The following RASGEF1A variants were observed in gnomAD, a reference collection of about 807,000 sequenced individuals.
RASGEF1A encodes RasGEF domain family member 1A.
RASGEF1A carries 18 observed loss-of-function variants against 56.4 expected under a neutral mutation model. The ratio of observed to expected loss-of-function variants is 0.32; its 90% CI spans 0.22 to 0.47. The LOEUF (loss-of-function observed/expected upper bound fraction) is 0.47. Ranked by LOEUF, RASGEF1A falls within the 20% of genes least tolerant of loss-of-function variation. The pLI is 1.00. For missense variants in RASGEF1A, 422 were observed against 627.1 expected, an observed-to-expected ratio of 0.67 and a Z score of 3.49; for synonymous variants, 245 against 242.6, an observed-to-expected ratio of 1.01 and a Z score of -0.09.
At position 43,249,363 on chromosome 10, in the gene RASGEF1A, G is replaced by A. The variant is rs568216003; in HGVS notation, c.-7+17482C>T. On this transcript the variant is annotated intron_variant, in intron 1 of 12. Coordinates refer to ENST00000395810, the MANE Select transcript of RASGEF1A (RefSeq NM_145313.4). ...AGTGGCCATCCACTCTCCAATGCAG[G>A]GTTGCAGGGCCCCCACTCCACCCCA... is the stretch of plus-strand genomic sequence containing the variant. Among the ~76,000 whole-genome samples, 8 of 152,304 alleles carry A rather than the reference G, an allele frequency of 5.3e-5. No homozygotes were observed. In the South Asian group the frequency reaches 1.7e-3, roughly 32 times the overall value.
At chr10:43,262,389 AC>A (rs1044896694) in intron 1 of RASGEF1A, among the ~76,000 whole-genome samples, 1 of 151,442 alleles carries the variant, frequency 6.6e-6, no homozygotes, top group Non-Finnish European at 1.5e-5. Flanking sequence ...TCCCAGCCCC[AC>A]CCCCCAGGAT....
At chr10:43,232,959 G>A (rs757429275) in intron 1 of RASGEF1A, among the ~76,000 whole-genome samples, 5 of 152,154 alleles carry the variant, frequency 3.3e-5, no homozygotes, top group Non-Finnish European at 7.3e-5. Context: ...CTAACGAATA[G>A]CCCCATCAGG....
intron 1 of RASGEF1A, among the ~76,000 whole-genome samples, chr10:43,253,124 G>A (rs1840646215): frequency 1.3e-5 from 2 of 152,134 alleles, no homozygotes; most frequent in South Asian, 2.1e-4. Context: ...ACACTTCCAC[G>A]CCCACCGTAG....
chr10:43,257,632 C>G (rs541678660), intron 1 of RASGEF1A, among the ~76,000 whole-genome samples: 1 of 152,362 alleles, frequency 6.6e-6, no homozygotes, highest in East Asian at 1.9e-4. Context: ...TGACTGCACA[C>G]AGCGATGGGC....
At chr10:43,215,842 G>A (rs1214732388) in intron 1 of RASGEF1A, among the ~76,000 whole-genome samples, 1 of 152,202 alleles carries the variant, frequency 6.6e-6, no homozygotes, top group Non-Finnish European at 1.5e-5. Context: ...CAGAGGAGAT[G>A]GAAGGTCAGG....
intron 1 of RASGEF1A, among the ~76,000 whole-genome samples, chr10:43,248,647 G>A (rs1840593288): frequency 6.6e-6 from 1 of 152,074 alleles, no homozygotes; most frequent in East Asian, 1.9e-4. Context: ...GAGCTAATAA[G>A]GCATTTTTTT....
chr10:43,209,819 G>A (rs948707345), intron 1 of RASGEF1A, among the ~76,000 whole-genome samples: 4 of 152,184 alleles, frequency 2.6e-5, no homozygotes, highest in Non-Finnish European at 4.4e-5. Flanking sequence ...ACCCCAGAGA[G>A]CCAGACCCTG....
chr10:43,212,096 C>T (rs1411230215), intron 1 of RASGEF1A, among the ~76,000 whole-genome samples: 2 of 152,186 alleles, frequency 1.3e-5, no homozygotes, highest in African/African-American at 4.8e-5. Flanking sequence ...ACCACACCGC[C>T]AGCCCTGGGA....
Position 43,205,996 on chromosome 10 carries a change from G to T in RASGEF1A, c.121C>A (p.Gln41Lys). Residue 41 changes from glutamine to lysine, a missense_variant, in exon 2 of 13, where the codon CAA becomes AAA. Physicochemically the swap from Gln to Lys is moderately conservative, Grantham distance 53. Coordinates refer to ENST00000395810, the MANE Select transcript of RASGEF1A (RefSeq NM_145313.4). ...AGGGSGDLIF[Q>K]DGHLISGSLE... ...GACCCAGAGATGAGGTGTCCATCTT[G>T]GAAGATGAGGTCCCCGGAGCCGCCA... is the stretch of plus-strand genomic sequence containing the variant. 1 of 1,612,888 alleles carries T rather than the reference G, an allele frequency of 6.2e-7. No homozygotes were observed. The highest frequency in any genetic ancestry group is 8.5e-7 in the Non-Finnish European group (1 of 1,179,868).
At chr10:43,213,633 G>GT (rs1840096639) in intron 1 of RASGEF1A, among the ~76,000 whole-genome samples, 1 of 152,090 alleles carries the variant, frequency 6.6e-6, no homozygotes, top group Admixed American at 6.5e-5. Flanking sequence ...GTTTTTTATT[G>GT]TTTTTTGTTT....
At chr10:43,204,533 C>A (rs1398188573) in intron 2 of RASGEF1A, among the ~76,000 whole-genome samples, 3 of 152,224 alleles carry the variant, frequency 2.0e-5, no homozygotes, top group African/African-American at 7.2e-5. Context: ...AAAGGCCCAC[C>A]ATGGAGCTCT....
chr10:43,255,034 A>C (rs1354392446), intron 1 of RASGEF1A, among the ~76,000 whole-genome samples: 2 of 152,132 alleles, frequency 1.3e-5, no homozygotes, highest in Non-Finnish European at 2.9e-5. Flanking sequence ...CTGGAGAGGA[A>C]ACCGGGAAGT....
At chr10:43,257,957 G>A (rs1836453383) in intron 1 of RASGEF1A, among the ~76,000 whole-genome samples, 1 of 152,220 alleles carries the variant, frequency 6.6e-6, no homozygotes. Flanking sequence ...GCAGGGGAAG[G>A]CAGCTGCCTG....
intron 1 of RASGEF1A, among the ~76,000 whole-genome samples, chr10:43,214,648 G>A (rs538167350): frequency 2.8e-4 from 42 of 152,286 alleles, no homozygotes; most frequent in African/African-American, 9.1e-4. Flanking sequence ...TCAGGCCTCC[G>A]TTCAACTCCA....
chr10:43,209,086 T>G (rs1207208004), intron 1 of RASGEF1A: 2 of 985,244 alleles, frequency 2.0e-6, no homozygotes, highest in African/African-American at 1.7e-5. Context: ...GCTGCAAACC[T>G]GTGTATCTGA....
At chr10:43,254,117 G>C (rs927225612) in intron 1 of RASGEF1A, among the ~76,000 whole-genome samples, 2 of 152,228 alleles carry the variant, frequency 1.3e-5, no homozygotes, top group Admixed American at 1.3e-4. Context: ...CCAGGGCTGT[G>C]CTCTGTGACC....
At chr10:43,258,442 T>C (rs1032785727) in intron 1 of RASGEF1A, among the ~76,000 whole-genome samples, 8 of 152,180 alleles carry the variant, frequency 5.3e-5, no homozygotes, top group African/African-American at 1.2e-4. Context: ...GCCCTCCTCT[T>C]TCATGGCCAA....
intron 1 of RASGEF1A, among the ~76,000 whole-genome samples, chr10:43,263,738 T>C (rs1040885394): frequency 1.3e-5 from 2 of 152,130 alleles, no homozygotes; most frequent in African/African-American, 4.8e-5. Flanking sequence ...GGGAGAAGCT[T>C]CCCAGAACAG....
intron 1 of RASGEF1A, among the ~76,000 whole-genome samples, chr10:43,257,301 G>A (rs141597682): frequency 2.1e-3 from 315 of 152,358 alleles, no homozygotes; most frequent in Middle Eastern, 3.4e-3. Flanking sequence ...ACACACTGGT[G>A]ATGATTTGCA....
Sources: allele counts gnomAD v4.1 joint callset (sites outside exome capture counted in the v4.1 genomes callset), GRCh38; gene constraint gnomAD v4.1.1; transcripts MANE v1.5; gene names NCBI Gene and HGNC (gene_info 2026-07-23, HGNC 2026-07-21).